The following KATNAL1 variants were observed in gnomAD, a reference collection of about 807,000 sequenced individuals.
The protein encoded by KATNAL1 is katanin catalytic subunit A1 like 1.
A neutral mutation model predicts 55.2 loss-of-function variants in KATNAL1; 32 were observed. The observed-to-expected ratio is 0.58, with a 90% CI of 0.44 to 0.78. The LOEUF (loss-of-function observed/expected upper bound fraction) is 0.78. KATNAL1 is among the 30% of genes least tolerant of loss of function. The pLI, the probability that KATNAL1 is intolerant of heterozygous loss-of-function variation, is 0.00. For synonymous variants in KATNAL1, 193 were observed against 193.6 expected, an observed-to-expected ratio of 1.00 and a Z score of 0.02; for missense variants, 466 against 600.9, an observed-to-expected ratio of 0.78 and a Z score of 2.35.
intron 10 of KATNAL1, 41 bp downstream of exon 10, chr13:30,210,275 C>T: frequency 6.5e-7 from 1 of 1,546,084 alleles, no homozygotes; most frequent in Middle Eastern, 1.7e-4. Context: ...CCTGCGAAGT[C>T]TATAACTAAT....
At chr13:30,262,600 A>G (rs1879400130) in intron 3 of KATNAL1, among the ~76,000 whole-genome samples, 1 of 152,178 alleles carries the variant, frequency 6.6e-6, no homozygotes, top group Non-Finnish European at 1.5e-5. Context: ...CCTCTACGCA[A>G]ATAAACTAGA....
chr13:30,231,575 TAAACTC>T lies in KATNAL1; in HGVS notation c.727-109_727-104del, dbSNP rs891119491. ...ACATTGAGATTTTTCCATCAAAAGA[TAAACTC>T]AAAATTGTCACAGTAAAATCATGAT... On this transcript the variant is annotated intron_variant, in intron 6 of 10. Transcript: ENST00000380615. 5.7e-5 allele frequency: 39 copies of T among 687,356 alleles called. No individual in the cohort carries two copies. In the African/African-American group the frequency reaches 7.3e-4, roughly 13 times the overall value. 42.6% of individuals were successfully genotyped at this position (687,356 alleles called of 1,614,324 possible). A position where few individuals can be genotyped will look rare whatever the true frequency, so the allele number is the denominator to read the frequency against.
rs183968970 is a variant in KATNAL1 at position 30,239,910 on chromosome 13, T to C, written c.726+550A>G. 7.2e-5 allele frequency among the ~76,000 whole-genome samples: 11 copies of C among 152,196 alleles called. No individual in the cohort carries two copies. In the East Asian group the frequency reaches 2.1e-3, roughly 29 times the overall value. On this transcript the variant is annotated intron_variant, in intron 6 of 10. Coordinates refer to ENST00000380615, the MANE Select transcript of KATNAL1 (RefSeq NM_032116.5). ...CATGTTGGGCAGGATGGTCTCGATC[T>C]CCTGGCCTCGTGATCCACCCTCCTC... is the stretch of plus-strand genomic sequence containing the variant.
At chr13:30,232,741 T>C (rs1312607381) in intron 6 of KATNAL1, among the ~76,000 whole-genome samples, 1 of 152,152 alleles carries the variant, frequency 6.6e-6, no homozygotes, top group East Asian at 1.9e-4. Context: ...CTCATGACAT[T>C]ACTCCTTTAA....
At chr13:30,274,070 C>T (rs1880574542) in intron 3 of KATNAL1, among the ~76,000 whole-genome samples, 3 of 152,308 alleles carry the variant, frequency 2.0e-5, no homozygotes, top group African/African-American at 7.2e-5. Flanking sequence ...GGCCAGCATC[C>T]TACAAAGCAA....
intron 3 of KATNAL1, among the ~76,000 whole-genome samples, chr13:30,263,206 G>C (rs1879453940): frequency 6.6e-6 from 1 of 152,318 alleles, no homozygotes; most frequent in South Asian, 2.1e-4. Flanking sequence ...ATTAGGTATT[G>C]ATGGGACGTA....
At chr13:30,248,082 C>G (rs1363811892) in intron 4 of KATNAL1, among the ~76,000 whole-genome samples, 2 of 152,142 alleles carry the variant, frequency 1.3e-5, no homozygotes, top group Non-Finnish European at 2.9e-5. Context: ...TATACAAATT[C>G]TAAAATCAAG....
Position 30,280,049 on chromosome 13 carries a change from A to G in KATNAL1, c.323+14T>C. The G allele has an allele frequency of 1.3e-6, 2 of 1,599,998 alleles. No individual in the cohort carries two copies. Among genetic ancestry groups the G allele is most frequent in the South Asian group, 1.1e-5 (1 of 88,006 alleles). On this transcript the variant is annotated intron_variant, in intron 3 of 10. Coordinates refer to ENST00000380615, the MANE Select transcript of KATNAL1 (RefSeq NM_032116.5). ...AACTAGAAGCACCTAAAGAGAATAT[A>G]AAGTCCTATTTACCTGTGTTCTGCA...
rs551439725 is a variant in KATNAL1 at position 30,259,985 on chromosome 13, T to C, written c.324-4370A>G. On this transcript the variant is annotated intron_variant, in intron 3 of 10. Coordinates refer to ENST00000380615, the MANE Select transcript of KATNAL1 (RefSeq NM_032116.5). ...CTTAAATATCCCTGTCTCACAGCTT[T>C]GAAGAGAGCAGTGGTTCTCCCAGCA... Among the ~76,000 whole-genome samples, 15 of 152,338 alleles carry C rather than the reference T, an allele frequency of 9.8e-5. No homozygotes were observed. The South Asian group carries it at 3.1e-3, about 32-fold the overall frequency.
rs769121836 is a variant in KATNAL1 at position 30,240,939 on chromosome 13, A to G, written c.620+20T>C. The G allele has an allele frequency of 8.1e-6, 13 of 1,601,304 alleles. No individual in the cohort carries two copies. Among genetic ancestry groups the G allele is most frequent in the Non-Finnish European group, 1.0e-5 (12 of 1,176,050 alleles). Reference sequence around the variant, plus strand: ...TTGTGTTCTCCTCTACTTTAATTCAATAATTTGAAAGACTCTAACCAATGA... The same window carrying G: ...TTGTGTTCTCCTCTACTTTAATTCAGTAATTTGAAAGACTCTAACCAATGA... On this transcript the variant is annotated intron_variant, in intron 5 of 10. Coordinates refer to ENST00000380615, the MANE Select transcript of KATNAL1 (RefSeq NM_032116.5).
At chr13:30,283,855 C>A in intron 1 of KATNAL1, 64 bp from the exon 2 acceptor site, 406 of 928,316 alleles carry the variant, frequency 4.4e-4, no homozygotes, top group Non-Finnish European at 5.8e-4. Flanking sequence ...ATTTATTATT[C>A]TTTAAAATAT....
At chr13:30,293,927 A>C (rs1882305714) in intron 1 of KATNAL1, among the ~76,000 whole-genome samples, 1 of 152,102 alleles carries the variant, frequency 6.6e-6, no homozygotes, top group Non-Finnish European at 1.5e-5. Flanking sequence ...TTTTTATTAT[A>C]TCTGTTAATA....
chr13:30,215,921 A>G (rs1203585729), intron 9 of KATNAL1, among the ~76,000 whole-genome samples: 1 of 152,070 alleles, frequency 6.6e-6, no homozygotes, highest in Non-Finnish European at 1.5e-5. Flanking sequence ...AACTTAAAGT[A>G]TAATAATAAT....
chr13:30,284,867 T>C (rs563716890), intron 1 of KATNAL1, among the ~76,000 whole-genome samples: 4 of 152,354 alleles, frequency 2.6e-5, no homozygotes, highest in South Asian at 2.1e-4. Flanking sequence ...TATGCAAAGA[T>C]ACTTTCCTCC....
chr13:30,281,771 G>A lies in KATNAL1; in HGVS notation c.163-1548C>T, dbSNP rs369695816. ...TTTTAACACTAAGTGGGGAGTGTCT[G>A]CATTGGCAGCACATACACTAAAATT... is the stretch of plus-strand genomic sequence containing the variant. On this transcript the variant is annotated intron_variant, in intron 2 of 10. Transcript: ENST00000380615. The A allele has an allele frequency of 7.9e-5, 12 of 152,302 alleles. No individual in the cohort carries two copies. In the East Asian group the frequency reaches 2.3e-3, roughly 29 times the overall value. The allele number at this position is 152,302 out of a possible 1,614,324, so 9.4% of individuals were successfully genotyped here.
chr13:30,245,464 G>A (rs1248424269), intron 4 of KATNAL1, among the ~76,000 whole-genome samples: 1 of 152,184 alleles, frequency 6.6e-6, no homozygotes. Flanking sequence ...ATGGGCAAAA[G>A]CTGGAAGCAT....
At chr13:30,269,494 C>A (rs988448192) in intron 3 of KATNAL1, among the ~76,000 whole-genome samples, 2 of 151,996 alleles carry the variant, frequency 1.3e-5, no homozygotes, top group Non-Finnish European at 2.9e-5. Flanking sequence ...GGCCGCCACC[C>A]CGTCTAGGAA....
chr13:30,281,148 G>GAAAAAAAAAAA (rs1881270728), intron 2 of KATNAL1, among the ~76,000 whole-genome samples: 1 of 125,698 alleles, frequency 8.0e-6, no homozygotes, highest in Non-Finnish European at 1.7e-5. Context: ...GAAAAGAAAA[G>GAAAAAAAAAAA]AAAATTACAA....
rs568040960 is a variant in KATNAL1 at position 30,261,588 on chromosome 13, T to G, written c.324-5973A>C. Among the ~76,000 whole-genome samples the G allele has an allele frequency of 3.6e-3, 549 of 152,104 alleles. 3 individuals are homozygous for G. Among genetic ancestry groups the G allele is most frequent in the Admixed American group, 6.4e-3 (98 of 15,278 alleles). ...AATCCTAGTCTCTGATAAAACAGAC[T>G]TTAAACCAACAAAGATCAAAAGAGA... On this transcript the variant is annotated intron_variant, in intron 3 of 10. Coordinates refer to ENST00000380615, the MANE Select transcript of KATNAL1 (RefSeq NM_032116.5).
Sources: gnomAD v4.1 joint callset for allele counts (sites outside exome capture counted in the v4.1 genomes callset) on GRCh38, gnomAD v4.1.1 for gene constraint, MANE v1.5 for transcripts, NCBI Gene and HGNC (gene_info 2026-07-23, HGNC 2026-07-21) for gene names.